Variants in RUFY1 observed in about 807,000 individuals in gnomAD.
RUFY1 encodes the protein RUN and FYVE domain containing 1, also known as RUN and FYVE domain-containing protein 1.
RUFY1 carries 54 observed loss-of-function variants against 94.6 expected under a neutral mutation model. The ratio of observed to expected loss-of-function variants is 0.57; its 90% CI spans 0.46 to 0.72. RUFY1 has a LOEUF of 0.72. RUFY1 is among the 30% of genes least tolerant of loss of function. The pLI is 0.00. For missense variants in RUFY1, 883 were observed against 883.9 expected (o/e 1.00, Z 0.01); for synonymous variants, 396 against 347.3 (o/e 1.14, Z -1.56).
chr5:179,563,022 A>C (rs1051157344), intron 3 of RUFY1: 1 of 170,526 alleles, frequency 5.9e-6, no homozygotes, highest in Non-Finnish European at 1.2e-5. Flanking sequence ...TCCAGGCCCA[A>C]GGACATTTGT....
At chr5:179,586,970 A>G (rs1268446139) in intron 8 of RUFY1, among the ~76,000 whole-genome samples, 3 of 152,200 alleles carry the variant, frequency 2.0e-5, no homozygotes, top group Non-Finnish European at 1.5e-5. Flanking sequence ...TGATTTTAGA[A>G]CAAGCAGATT....
chr5:179,561,472 C>G (rs574759731), intron 2 of RUFY1, among the ~76,000 whole-genome samples: 1 of 151,668 alleles, frequency 6.6e-6, no homozygotes, highest in South Asian at 2.1e-4. Context: ...AACTTCAGTT[C>G]TTAAAAGAAT....
rs761502749 is a variant in RUFY1, at chr5:179,594,953, A to G, written c.1501A>G (p.Met501Val). 3 of 1,607,626 alleles carry G rather than the reference A, an allele frequency of 1.9e-6. No homozygotes were observed. Among genetic ancestry groups the G allele is most frequent in the Non-Finnish European group, 2.6e-6 (3 of 1,174,518 alleles). Residue 501 changes from methionine to valine, a missense_variant, in exon 12 of 18, where the codon ATG becomes GTG. Coordinates refer to ENST00000319449, the MANE Select transcript of RUFY1 (RefSeq NM_025158.5). ...CCAAGTTATGTCCAGCATGAAACAA[A>G]TGGAAGAAAGGTAATCACTTCCCCC... ...TNQVMSSMKQ[M>V]EERLQHSERA...
intron 11 of RUFY1, among the ~76,000 whole-genome samples, chr5:179,594,067 G>A (rs1241870152): frequency 2.6e-5 from 4 of 152,138 alleles, no homozygotes; most frequent in Non-Finnish European, 1.5e-5. Context: ...CACTTTGGGA[G>A]GCCGAGCGGG....
chr5:179,606,286 G>C (rs1009789994), intron 16 of RUFY1: 11 of 300,742 alleles, frequency 3.7e-5, no homozygotes, highest in African/African-American at 2.5e-4. Flanking sequence ...CCAGAGGCCA[G>C]CCAGCCCCAC....
intron 5 of RUFY1, among the ~76,000 whole-genome samples, chr5:179,573,524 G>GT (rs1305691186): frequency 1.3e-5 from 2 of 151,528 alleles, no homozygotes; most frequent in African/African-American, 2.4e-5. Flanking sequence ...TTGTCGTTTT[G>GT]TTTTTTTCTT....
At chr5:179,575,346 CGTCT>C (rs1225140282) in intron 5 of RUFY1, among the ~76,000 whole-genome samples, 1 of 151,744 alleles carries the variant, frequency 6.6e-6, no homozygotes, top group Non-Finnish European at 1.5e-5. Flanking sequence ...GCTCTCTCCT[CGTCT>C]GTCTGCTGTG....
At chr5:179,569,187 C>A in intron 4 of RUFY1, 115 bp from the exon 5 acceptor site, 1 of 1,572,700 alleles carries the variant, frequency 6.4e-7, no homozygotes. Flanking sequence ...GGAGGAAATC[C>A]ACAGCAGTAT....
At chr5:179,606,234 C>T (rs562225696) in intron 16 of RUFY1, 101 of 421,882 alleles carry the variant, frequency 2.4e-4, no homozygotes, top group African/African-American at 1.8e-3. Flanking sequence ...CCGCGGATAT[C>T]TTTAAACAGT....
chr5:179,561,893 C>G (rs1762489070), intron 2 of RUFY1, among the ~76,000 whole-genome samples: 1 of 149,632 alleles, frequency 6.7e-6, no homozygotes, highest in African/African-American at 2.4e-5. Context: ...ACCGTGTTAG[C>G]CAGGATGGTC....
At chr5:179,570,653 A>G (rs1345748141) in intron 5 of RUFY1, among the ~76,000 whole-genome samples, 1 of 152,188 alleles carries the variant, frequency 6.6e-6, no homozygotes, top group Admixed American at 6.5e-5. Flanking sequence ...ACTGCCCAGA[A>G]AAAAGAGATT....
At chr5:179,581,691 T>C (rs1418338170) in intron 7 of RUFY1, among the ~76,000 whole-genome samples, 1 of 151,386 alleles carries the variant, frequency 6.6e-6, no homozygotes, top group African/African-American at 2.4e-5. Context: ...CTTTTCTTTT[T>C]TTTTTTTTTG....
chr5:179,584,158 G>C (rs993424526), intron 7 of RUFY1, among the ~76,000 whole-genome samples: 1 of 152,032 alleles, frequency 6.6e-6, no homozygotes, highest in African/African-American at 2.4e-5. Flanking sequence ...GTATCTTTTG[G>C]TTTTTTTCCC....
chr5:179,580,206 C>CGTGTGT (rs71591429), intron 6 of RUFY1, among the ~76,000 whole-genome samples: 4,356 of 127,444 alleles, frequency 0.034, 94 homozygotes, highest in Middle Eastern at 0.053. Context: ...CAAAAAATTC[C>CGTGTGT]GTGTGTGTGT....
In RUFY1 at chr5:179,591,758, G is replaced by A. The variant is rs368351522; in HGVS notation, c.1245+17G>A. The A allele has an allele frequency of 5.4e-5, 77 of 1,430,696 alleles. No individual in the cohort carries two copies. The highest frequency in any genetic ancestry group is 6.9e-5 in the Non-Finnish European group (71 of 1,029,246). The allele number at this position is 1,430,696 out of a possible 1,614,324, so 88.6% of individuals were successfully genotyped here. On this transcript the variant is annotated intron_variant, in intron 10 of 17. Coordinates refer to ENST00000319449, the MANE Select transcript of RUFY1 (RefSeq NM_025158.5). The stretch of plus-strand genomic sequence containing the variant: ...GTCCGGTTGGTGAGTGTGCAAGACC[G>A]AGTGTCTTTAGAAAGAGTTTCCCCG...
At chr5:179,596,411 T>C (rs761816680) in intron 12 of RUFY1, 151 bp from the exon 13 acceptor site, 114 of 985,770 alleles carry the variant, frequency 1.2e-4, no homozygotes, top group Middle Eastern at 7.5e-4. Context: ...TCCTGTATTC[T>C]GATTGTGGTG....
intron 7 of RUFY1, among the ~76,000 whole-genome samples, chr5:179,584,902 G>A (rs538697137): frequency 1.4e-4 from 22 of 151,994 alleles, no homozygotes; most frequent in Middle Eastern, 3.5e-3. Context: ...TTGGGAGGCC[G>A]AAGCAGGCAG....
chr5:179,605,139 C>T (rs569576759), intron 15 of RUFY1, among the ~76,000 whole-genome samples: 26 of 151,640 alleles, frequency 1.7e-4, no homozygotes, highest in Non-Finnish European at 3.5e-4. Flanking sequence ...ATTAGCCAGG[C>T]GTGATGGCAT....
chr5:179,600,684 C>CTTTTTTTTT lies in RUFY1; in HGVS notation c.1762-1186_1762-1178dup, dbSNP rs398000079. Among the ~76,000 whole-genome samples the CTTTTTTTTT allele has an allele frequency of 3.0e-3, 165 of 54,708 alleles. 26 individuals carry two copies. Among genetic ancestry groups the CTTTTTTTTT allele is most frequent in the African/African-American group, 0.011 (134 of 12,446 alleles). 35.9% of individuals were successfully genotyped at this position (54,708 alleles called of 152,430 possible). On this transcript the variant is annotated intron_variant, in intron 14 of 17. Coordinates refer to ENST00000319449, the MANE Select transcript of RUFY1 (RefSeq NM_025158.5). ...AGCCTCATTTGTCCTATGATGGTAACTTTTTTTTTTTTTTTTTTTTTTTTT... is the reference window on the plus strand; with the variant it reads ...AGCCTCATTTGTCCTATGATGGTAACTTTTTTTTTTTTTTTTTTTTTTTTTTTTTTTTTT...
Sources: gnomAD v4.1 joint callset for allele counts (sites outside exome capture counted in the v4.1 genomes callset) on GRCh38, gnomAD v4.1.1 for gene constraint, MANE v1.5 for transcripts, NCBI Gene and HGNC (gene_info 2026-07-23, HGNC 2026-07-21) for gene names.